The following CCDC73 variants were observed in gnomAD, a reference collection of about 807,000 sequenced individuals.
CCDC73 encodes the protein coiled-coil domain-containing protein 73.
In CCDC73, 95 loss-of-function variants were observed where a neutral mutation model predicts 116.5. That is an observed-to-expected ratio of 0.82 (90% CI 0.69 to 0.97). The LOEUF is 0.97. CCDC73 is among the 50% of genes least tolerant of loss of function. The pLI, the probability that CCDC73 is intolerant of heterozygous loss-of-function variation, is 0.00. For synonymous variants in CCDC73, 398 were observed against 401.3 expected (o/e 0.99, Z 0.10); for missense variants, 1,066 against 1,206.8 (o/e 0.88, Z 1.73).
intron 1 of CCDC73, among the ~76,000 whole-genome samples, chr11:32,794,062 G>A (rs1850701270): frequency 6.6e-6 from 1 of 152,026 alleles, no homozygotes; most frequent in Non-Finnish European, 1.5e-5. Context: ...ATGTCCCTGG[G>A]AATTTACACA....
At chr11:32,618,637 C>T (rs1855495478) in intron 14 of CCDC73, among the ~76,000 whole-genome samples, 2 of 152,178 alleles carry the variant, frequency 1.3e-5, no homozygotes, top group African/African-American at 4.8e-5. Context: ...ACTGCAACCT[C>T]CGCCTCCTGG....
intron 1 of CCDC73, among the ~76,000 whole-genome samples, chr11:32,778,853 A>G (rs1850558816): frequency 6.6e-6 from 1 of 152,186 alleles, no homozygotes; most frequent in Non-Finnish European, 1.5e-5. Context: ...AAATATGCAA[A>G]TATTCCCAAA....
chr11:32,830,471 G>A, the CCDC73 span: 1 of 1,334,902 alleles, frequency 7.5e-7, no homozygotes, highest in Admixed American at 2.6e-5. Context: ...TGAGCTAGGG[G>A]CCTTTTTTTT....
intron 1 of CCDC73, among the ~76,000 whole-genome samples, chr11:32,781,803 G>A (rs1262626024): frequency 1.3e-5 from 2 of 152,172 alleles, no homozygotes; most frequent in Non-Finnish European, 2.9e-5. Context: ...TAGCTCTTGA[G>A]GCAGCAGATT....
intron 9 of CCDC73, among the ~76,000 whole-genome samples, chr11:32,661,705 T>C (rs1855928968): frequency 6.6e-6 from 1 of 151,296 alleles, no homozygotes; most frequent in African/African-American, 2.4e-5. Flanking sequence ...TTATTATACT[T>C]TAAGTTTTAG....
intron 1 of CCDC73, among the ~76,000 whole-genome samples, chr11:32,773,821 T>C (rs979779281): frequency 2.0e-5 from 3 of 151,920 alleles, no homozygotes; most frequent in African/African-American, 7.3e-5. Context: ...GAGGGCTTAT[T>C]GATTGATAGG....
intron 14 of CCDC73, among the ~76,000 whole-genome samples, chr11:32,622,556 T>C (rs980245251): frequency 1.3e-5 from 2 of 151,332 alleles, no homozygotes; most frequent in African/African-American, 4.9e-5. Flanking sequence ...AAATAGCTAA[T>C]GCATGCGGGG....
intron 1 of CCDC73, among the ~76,000 whole-genome samples, chr11:32,778,762 G>A (rs1850558112): frequency 6.6e-6 from 1 of 152,000 alleles, no homozygotes; most frequent in South Asian, 2.1e-4. Context: ...TCATGCCATT[G>A]CACTCTAGCC....
chr11:32,776,986 CATGTATATATATATAT>C (rs1159616151), intron 1 of CCDC73, among the ~76,000 whole-genome samples: 4 of 95,776 alleles, frequency 4.2e-5, no homozygotes, highest in Non-Finnish European at 6.0e-5. Context: ...TATATATACA[CATGTATATATATATAT>C]ATATATATAT....
At chr11:32,736,252 A>G (rs1402390783) in intron 2 of CCDC73, among the ~76,000 whole-genome samples, 2 of 152,204 alleles carry the variant, frequency 1.3e-5, no homozygotes, top group Non-Finnish European at 2.9e-5. Context: ...AATTTTTGCA[A>G]TCTACTCATC....
intron 9 of CCDC73, among the ~76,000 whole-genome samples, 179 bp downstream of exon 9, chr11:32,675,386 G>A (rs1012447717): frequency 2.6e-5 from 4 of 152,096 alleles, no homozygotes; most frequent in African/African-American, 9.7e-5. Context: ...ATTTTGAATG[G>A]ATTGCAACAA....
intron 6 of CCDC73, among the ~76,000 whole-genome samples, chr11:32,690,420 C>G (rs1455082272): frequency 1.3e-5 from 2 of 152,166 alleles, no homozygotes; most frequent in African/African-American, 2.4e-5. Context: ...TTAACATCCC[C>G]CACCAGAGGG....
At chr11:32,804,403 T>G in the CCDC73 span, among the ~76,000 whole-genome samples, 10 of 152,222 alleles carry the variant, frequency 6.6e-5, no homozygotes, top group South Asian at 2.1e-4. Flanking sequence ...AGTGCTGGGT[T>G]TACAGGTGTG....
chr11:32,628,675 A>G (rs146475374), intron 14 of CCDC73, among the ~76,000 whole-genome samples: 8 of 152,258 alleles, frequency 5.3e-5, no homozygotes, highest in South Asian at 2.1e-4. Context: ...CTTATCAGCA[A>G]GTAACTTAAC....
At chr11:32,659,628 G>A (rs964342946) in intron 9 of CCDC73, among the ~76,000 whole-genome samples, 1 of 152,122 alleles carries the variant, frequency 6.6e-6, no homozygotes, top group Admixed American at 6.5e-5. Flanking sequence ...ACAAAACACA[G>A]TATTTGGTAA....
chr11:32,724,585 T>C (rs1044841255), intron 2 of CCDC73, among the ~76,000 whole-genome samples: 1 of 151,522 alleles, frequency 6.6e-6, no homozygotes, highest in African/African-American at 2.5e-5. Context: ...CTTCCGATTT[T>C]TTAGAATTCA....
chr11:32,780,645 C>T (rs1281697948), intron 1 of CCDC73, among the ~76,000 whole-genome samples: 2 of 152,166 alleles, frequency 1.3e-5, no homozygotes, highest in Non-Finnish European at 2.9e-5. Flanking sequence ...ATTAAGTTAT[C>T]ACTATCTAAT....
intron 14 of CCDC73, among the ~76,000 whole-genome samples, chr11:32,631,640 A>G (rs1257294424): frequency 6.6e-6 from 1 of 151,824 alleles, no homozygotes; most frequent in African/African-American, 2.4e-5. Flanking sequence ...GGGAAAGGAA[A>G]GGAAAGGAAA....
At chr11:32,671,393 T>G in intron 9 of CCDC73, among the ~76,000 whole-genome samples, 1 of 110,812 alleles carries the variant, frequency 9.0e-6, no homozygotes, top group Non-Finnish European at 1.9e-5. Context: ...TGTTTAACTT[T>G]GCTCCAAAAA....
Sources: allele counts gnomAD v4.1 joint callset (sites outside exome capture counted in the v4.1 genomes callset), GRCh38; gene constraint gnomAD v4.1.1; transcripts MANE v1.5; gene names NCBI Gene and HGNC (gene_info 2026-07-23, HGNC 2026-07-21).